Variants in DDHD1 observed in about 807,000 individuals in gnomAD.
DDHD1 encodes DDHD domain containing 1.
Under a neutral mutation model 96.4 loss-of-function variants are expected in DDHD1, and 49 were observed. The observed-to-expected ratio is 0.51, with a 90% CI of 0.40 to 0.64. The LOEUF (loss-of-function observed/expected upper bound fraction) is 0.64, where lower values mean the gene tolerates loss of function less well. DDHD1 is among the 30% of genes least tolerant of loss of function. The pLI is 0.00. For synonymous variants in DDHD1, 442 were observed against 446.5 expected (o/e 0.99, Z 0.13); for missense variants, 1,106 against 1,161.2 (o/e 0.95, Z 0.69).
chr14:53,054,560 T>C lies in DDHD1; in HGVS notation c.2315A>G (p.Gln772Arg), dbSNP rs1304408158. ...TGAGTCTTTTGATGTTTCAGATGAC[T>C]GTGTTGTAGATGAACGTCCAAATCT... ...FSRFGRSSTT[Q>R]SSETSKDSME... The change falls in exon 11 of 13, where the codon CAG (glutamine) becomes CGG (arginine). Residue 772 changes from glutamine (Q) to arginine (R), a missense_variant. Gln to Arg is a conservative substitution (Grantham distance 43). Transcript: ENST00000673822. 3.7e-6 allele frequency: 6 copies of C among 1,614,136 alleles called. No homozygotes were observed. The highest frequency in any genetic ancestry group is 5.1e-6 in the Non-Finnish European group (6 of 1,179,990).
chr14:53,083,494 C>T (rs540185691), intron 4 of DDHD1, among the ~76,000 whole-genome samples: 10 of 152,178 alleles, frequency 6.6e-5, no homozygotes, highest in Non-Finnish European at 1.3e-4. Flanking sequence ...TCTATGTAAG[C>T]GGTAAACATA....
intron 1 of DDHD1, among the ~76,000 whole-genome samples, chr14:53,141,641 T>C (rs570939052): frequency 6.6e-6 from 1 of 152,172 alleles, no homozygotes; most frequent in African/African-American, 2.4e-5. Flanking sequence ...ACAGAGGCAA[T>C]CAGAAGCTGA....
intron 1 of DDHD1, among the ~76,000 whole-genome samples, chr14:53,122,779 G>C (rs188873006): frequency 8.6e-5 from 13 of 151,730 alleles, no homozygotes; most frequent in Admixed American, 8.5e-4. Flanking sequence ...ATGCTTGTCA[G>C]GCTGGTCTCG....
Position 53,041,949 on chromosome 14 carries a change from T to G in DDHD1, c.*4819A>C, listed in dbSNP as rs894387450. The G allele has an allele frequency of 1.3e-5, 2 of 152,148 alleles. No homozygotes were observed. Among genetic ancestry groups the G allele is most frequent in the Non-Finnish European group, 2.9e-5 (2 of 68,036 alleles). The allele number at this position is 152,148 out of a possible 1,614,324, so 9.4% of individuals were successfully genotyped here. A position where few individuals can be genotyped will look rare whatever the true frequency, so the allele number is the denominator to read the frequency against. ...CAGTTTCTGCCCTTTAGGAGTAGTTTCCTATCGATTAGGGGAAACAGTCTG... is the reference window on the plus strand; with the variant it reads ...CAGTTTCTGCCCTTTAGGAGTAGTTGCCTATCGATTAGGGGAAACAGTCTG... On this transcript the variant is annotated 3_prime_UTR_variant, in exon 13 of 13. Transcript: ENST00000673822.
intron 2 of DDHD1, among the ~76,000 whole-genome samples, chr14:53,094,380 G>A (rs1284343847): frequency 6.6e-6 from 1 of 152,128 alleles, no homozygotes; most frequent in Non-Finnish European, 1.5e-5. Flanking sequence ...ACAAAATTAA[G>A]GAAATGTTTT....
In DDHD1 at chr14:53,152,319, C is replaced by T. The variant is rs1891462390; in HGVS notation, c.780G>A (p.Arg260=). 6.2e-7 allele frequency: 1 copy of T among 1,614,010 alleles called. No homozygotes were observed. Among genetic ancestry groups the T allele is most frequent in the East Asian group, 2.2e-5 (1 of 44,872 alleles). ...ELVNIEPVCV[R]GGLYEVDVTQ... ...TCACATCCACCTCGTAGAGGCCGCC[C>T]CGCACGCACACAGGCTCGATGTTCA... The change falls in exon 1 of 13, where the codon CGG becomes CGA. Residue 260 remains arginine (R), a synonymous_variant. Coordinates refer to ENST00000673822, the MANE Select transcript of DDHD1 (RefSeq NM_001160148.2).
At chr14:53,114,117 C>T (rs187455088) in intron 1 of DDHD1, among the ~76,000 whole-genome samples, 57 of 152,272 alleles carry the variant, frequency 3.7e-4, no homozygotes, top group South Asian at 6.2e-4. Flanking sequence ...CTGGACTGGG[C>T]GGAATTCACC....
rs181630371 is a variant in DDHD1 at position 53,124,709 on chromosome 14, C to T, written c.839-20853G>A. ...AAACAAGGCTGTAAGGGTTTTAAAA[C>T]CTGCATATATGTCTTAGTGCTTCAG... On this transcript the variant is annotated intron_variant, in intron 1 of 12. Transcript: ENST00000673822. Among the ~76,000 whole-genome samples, 5 of 152,262 alleles carry T rather than the reference C, an allele frequency of 3.3e-5. No individual in the cohort carries two copies. In the East Asian group the frequency reaches 9.6e-4, roughly 29 times the overall value.
chr14:53,138,866 G>A (rs982313643), intron 1 of DDHD1, among the ~76,000 whole-genome samples: 1 of 152,128 alleles, frequency 6.6e-6, no homozygotes, highest in African/African-American at 2.4e-5. Context: ...AAGACTGAGG[G>A]AAGGGCAAGA....
At chr14:53,115,818 A>C (rs1888499855) in intron 1 of DDHD1, among the ~76,000 whole-genome samples, 1 of 152,322 alleles carries the variant, frequency 6.6e-6, no homozygotes, top group East Asian at 1.9e-4. Flanking sequence ...AACCACATCA[A>C]ATGATGTGCA....
At chr14:53,118,447 C>T (rs932157950) in intron 1 of DDHD1, among the ~76,000 whole-genome samples, 4 of 152,076 alleles carry the variant, frequency 2.6e-5, no homozygotes, top group African/African-American at 7.3e-5. Flanking sequence ...CAAGAATAAA[C>T]AGTGTAAAGA....
intron 6 of DDHD1, among the ~76,000 whole-genome samples, chr14:53,065,576 A>G (rs1370554639): frequency 6.6e-6 from 1 of 152,190 alleles, no homozygotes; most frequent in African/African-American, 2.4e-5. Context: ...AAGTCATCTG[A>G]GAAGTACTGA....
chr14:53,068,243 C>CTTTTTTTTTTT lies in DDHD1; in HGVS notation c.1503+4343_1503+4353dup, dbSNP rs55662153. 2.9e-5 allele frequency among the ~76,000 whole-genome samples: 3 copies of CTTTTTTTTTTT among 104,444 alleles called. 1 individual carries two copies. Among genetic ancestry groups the CTTTTTTTTTTT allele is most frequent in the Non-Finnish European group, 1.8e-5 (1 of 56,218 alleles). 68.5% of individuals were successfully genotyped at this position (104,444 alleles called of 152,430 possible). On this transcript the variant is annotated intron_variant, in intron 6 of 12. Transcript: ENST00000673822. ...CCGCAGCCACTCGGCCTTTATGATA[C>CTTTTTTTTTTT]TTTTTTTTTTTTTTTTTTGAGATGG... is the stretch of plus-strand genomic sequence containing the variant.
intron 1 of DDHD1, among the ~76,000 whole-genome samples, chr14:53,104,721 G>T (rs958898660): frequency 2.0e-5 from 3 of 152,048 alleles, no homozygotes; most frequent in African/African-American, 7.2e-5. Flanking sequence ...AACTACAACT[G>T]TCAGCTAAAC....
intron 6 of DDHD1, among the ~76,000 whole-genome samples, chr14:53,065,671 A>C (rs1334835809): frequency 1.3e-5 from 2 of 152,222 alleles, no homozygotes; most frequent in African/African-American, 4.8e-5. Flanking sequence ...GCATGTAAGA[A>C]TCTGAGAGTT....
intron 1 of DDHD1, among the ~76,000 whole-genome samples, chr14:53,144,252 G>A (rs950784099): frequency 2.0e-5 from 3 of 152,224 alleles, no homozygotes; most frequent in Admixed American, 6.5e-5. Flanking sequence ...GGAATCATGG[G>A]TAACTTGTGC....
rs1257301534 is a variant in DDHD1 at position 53,153,073 on chromosome 14, G to T, written c.26C>A (p.Pro9Gln). The change falls in exon 1 of 13, where the codon CCA becomes CAA. Residue 9 changes from proline (P) to glutamine (Q), a missense_variant. Physicochemically the swap from Pro to Gln is moderately conservative, Grantham distance 76. Around this residue, in one of 2 missense-constraint regions of DDHD1, gnomAD observed 456 missense variants for 402.4 expected, o/e 1.13. Transcript: ENST00000673822. MNYPGRGS[P>Q]RSPEHNGRGG... ...TCGGCCGTTATGCTCGGGGCTCCGT[G>T]GGGACCCGCGGCCCGGGTAATTCAT... The T allele has an allele frequency of 1.0e-5, 15 of 1,453,906 alleles. No individual in the cohort carries two copies. Among genetic ancestry groups the T allele is most frequent in the Non-Finnish European group, 1.3e-5 (14 of 1,114,220 alleles). 90.1% of individuals were successfully genotyped at this position (1,453,906 alleles called of 1,614,324 possible).
At position 53,054,592 on chromosome 14, in the gene DDHD1, C is replaced by G; in HGVS notation, c.2283G>C (p.Leu761Phe). The G allele has an allele frequency of 6.2e-7, 1 of 1,614,050 alleles. No homozygotes were observed. The highest frequency in any genetic ancestry group is 8.5e-7 in the Non-Finnish European group (1 of 1,179,964). ...ASIGKGLGGM[L>F]FSRFGRSSTT... ...TAGATGAACGTCCAAATCTTGAGAA[C>G]AACATTCCTCCAAGTCCCTTTCCAA... The change falls in exon 11 of 13, where the codon TTG (leucine) becomes TTC (phenylalanine). Residue 761 changes from leucine (L) to phenylalanine (F), a missense_variant. Physicochemically the swap from Leu to Phe is conservative, Grantham distance 22. Around this residue, in one of 2 missense-constraint regions of DDHD1, gnomAD observed 650 missense variants for 758.8 expected, o/e 0.86. Transcript: ENST00000673822.
chr14:53,105,142 A>G (rs1021009422), intron 1 of DDHD1, among the ~76,000 whole-genome samples: 4 of 152,124 alleles, frequency 2.6e-5, no homozygotes, highest in Non-Finnish European at 5.9e-5. Context: ...TTAATTAAAA[A>G]CTTCAGTATG....
Sources: gnomAD v4.1 joint callset for allele counts (sites outside exome capture counted in the v4.1 genomes callset) on GRCh38, gnomAD v4.1.1 for gene constraint, gnomAD v4.1.1 regional missense constraint, MANE v1.5 for transcripts, NCBI Gene and HGNC (gene_info 2026-07-23, HGNC 2026-07-21) for gene names.